HMGCLL1: variants seen among roughly 807,000 people sequenced by gnomAD.
HMGCLL1 encodes 3-hydroxymethyl-3-methylglutaryl-CoA lyase, cytoplasmic.
In HMGCLL1, 36 loss-of-function variants were observed where a neutral mutation model predicts 39.1. The observed-to-expected ratio is 0.92, with a 90% confidence interval of 0.71 to 1.22. The LOEUF (loss-of-function observed/expected upper bound fraction) is 1.22, where lower values mean the gene tolerates loss of function less well. Among genes scored for constraint, HMGCLL1 ranks in the 50% most tolerant of loss-of-function variants. HMGCLL1 has a pLI of 0.00. For missense variants in HMGCLL1, 451 were observed against 416.5 expected (o/e 1.08, Z -0.72); for synonymous variants, 149 against 144.0 (o/e 1.03, Z -0.25).
At chr6:55,484,176 G>T (rs1765885668) in intron 7 of HMGCLL1, among the ~76,000 whole-genome samples, 1 of 152,110 alleles carries the variant, frequency 6.6e-6, no homozygotes, top group Non-Finnish European at 1.5e-5. Flanking sequence ...GCCATAAAGG[G>T]ATGACAATGT....
chr6:55,615,454 C>A, the HMGCLL1 span, among the ~76,000 whole-genome samples: 1 of 152,134 alleles, frequency 6.6e-6, no homozygotes, highest in Non-Finnish European at 1.5e-5. Context: ...AATGTACTTG[C>A]AGGTGGAGTG....
chr6:55,602,641 C>T, the HMGCLL1 span, among the ~76,000 whole-genome samples: 1 of 151,772 alleles, frequency 6.6e-6, no homozygotes, highest in African/African-American at 2.4e-5. Context: ...GTGTTACATT[C>T]TTTGGATAAC....
chr6:55,589,136 C>G, the HMGCLL1 span, among the ~76,000 whole-genome samples: 1 of 152,178 alleles, frequency 6.6e-6, no homozygotes, highest in Non-Finnish European at 1.5e-5. Flanking sequence ...CCCTGATGAA[C>G]ATCAATGCAA....
Position 55,464,802 on chromosome 6 carries a change from G to A in HMGCLL1, c.796-25243C>T, listed in dbSNP as rs1298396165. On this transcript the variant is annotated intron_variant, in intron 7 of 8. Transcript: ENST00000274901. ...TGGTTTCAGGATAGAATCAGTCCTGGAGGCTGCTTTATTATCATAATTAAG... is the reference window on the plus strand; with the variant it reads ...TGGTTTCAGGATAGAATCAGTCCTGAAGGCTGCTTTATTATCATAATTAAG... Among the ~76,000 whole-genome samples, 8 of 152,126 alleles carry A rather than the reference G, an allele frequency of 5.3e-5. No homozygotes were observed. In the South Asian group the frequency reaches 1.0e-3, roughly 20 times the overall value.
At chr6:55,508,780 G>A (rs768951214) in intron 5 of HMGCLL1, among the ~76,000 whole-genome samples, 15 of 151,896 alleles carry the variant, frequency 9.9e-5, no homozygotes, top group African/African-American at 1.9e-4. Flanking sequence ...ACCACAATCC[G>A]TGCTGAATTA....
At chr6:55,455,603 G>A in intron 7 of HMGCLL1, among the ~76,000 whole-genome samples, 1 of 152,122 alleles carries the variant, frequency 6.6e-6, no homozygotes, top group East Asian at 1.9e-4. Context: ...AGTTGTAGTT[G>A]CATAGTTCAA....
the HMGCLL1 span, among the ~76,000 whole-genome samples, chr6:55,616,731 ATGAC>A: frequency 6.6e-6 from 1 of 152,132 alleles, no homozygotes; most frequent in Admixed American, 6.6e-5. Context: ...AAACAATAAT[ATGAC>A]TGAGAACAAA....
chr6:55,554,613 A>T (rs1770551840), intron 1 of HMGCLL1, among the ~76,000 whole-genome samples: 1 of 152,112 alleles, frequency 6.6e-6, no homozygotes, highest in South Asian at 2.1e-4. Flanking sequence ...TATTTGGGAC[A>T]TTCAAATTAT....
chr6:55,492,475 T>C (rs1040689389), intron 7 of HMGCLL1, among the ~76,000 whole-genome samples: 3 of 152,206 alleles, frequency 2.0e-5, no homozygotes, highest in Non-Finnish European at 4.4e-5. Flanking sequence ...GTACCACATG[T>C]GGCTGTTTTT....
At chr6:55,637,467 T>G in the HMGCLL1 span, among the ~76,000 whole-genome samples, 5 of 152,306 alleles carry the variant, frequency 3.3e-5, no homozygotes, top group Admixed American at 3.3e-4. Flanking sequence ...ATTTGCTTTC[T>G]TAATGTTTCA....
chr6:55,481,477 G>C (rs1765739185), intron 7 of HMGCLL1, among the ~76,000 whole-genome samples: 1 of 151,908 alleles, frequency 6.6e-6, no homozygotes, highest in Non-Finnish European at 1.5e-5. Context: ...ATAAAATTAT[G>C]TATTGTATGC....
At chr6:55,584,933 G>A in the HMGCLL1 span, among the ~76,000 whole-genome samples, 1 of 151,622 alleles carries the variant, frequency 6.6e-6, no homozygotes, top group African/African-American at 2.4e-5. Context: ...GAACAACCTG[G>A]CTAACAATAC....
chr6:55,452,598 G>C (rs1764146199), intron 7 of HMGCLL1, among the ~76,000 whole-genome samples: 1 of 152,052 alleles, frequency 6.6e-6, no homozygotes, highest in African/African-American at 2.4e-5. Flanking sequence ...CTGAGGCATA[G>C]AATGTTTAAT....
At chr6:55,632,605 T>C in the HMGCLL1 span, among the ~76,000 whole-genome samples, 1 of 151,880 alleles carries the variant, frequency 6.6e-6, no homozygotes, top group Admixed American at 6.6e-5. Flanking sequence ...ACAACTTACA[T>C]CAGTTTAATA....
At chr6:55,639,971 G>A in the HMGCLL1 span, among the ~76,000 whole-genome samples, 1 of 152,014 alleles carries the variant, frequency 6.6e-6, no homozygotes, top group Non-Finnish European at 1.5e-5. Context: ...CCAGCTACCT[G>A]GGAGGCTGAG....
At chr6:55,530,537 A>T (rs1768603200) in intron 3 of HMGCLL1, among the ~76,000 whole-genome samples, 1 of 152,070 alleles carries the variant, frequency 6.6e-6, no homozygotes, top group Non-Finnish European at 1.5e-5. Context: ...GCAAAATAAA[A>T]TCAAATATTT....
chr6:55,612,855 A>T, the HMGCLL1 span, among the ~76,000 whole-genome samples: 1 of 152,338 alleles, frequency 6.6e-6, no homozygotes, highest in Admixed American at 6.5e-5. Context: ...TCCAGAAGAA[A>T]ATCTATGCAA....
intron 7 of HMGCLL1, among the ~76,000 whole-genome samples, chr6:55,461,200 G>A (rs1302025975): frequency 6.6e-6 from 1 of 151,694 alleles, no homozygotes; most frequent in East Asian, 1.9e-4. Context: ...AATCTAGACC[G>A]TCATCTAAGG....
chr6:55,615,985 A>C, the HMGCLL1 span, among the ~76,000 whole-genome samples: 1 of 152,104 alleles, frequency 6.6e-6, no homozygotes, highest in Non-Finnish European at 1.5e-5. Flanking sequence ...CATTCCCTTA[A>C]AATTTTATTC....
Sources: allele counts gnomAD v4.1 joint callset (sites outside exome capture counted in the v4.1 genomes callset), GRCh38; gene constraint gnomAD v4.1.1; transcripts MANE v1.5; gene names NCBI Gene and HGNC (gene_info 2026-07-23, HGNC 2026-07-21).